RORA: variants seen among roughly 807,000 people sequenced by gnomAD.
RORA encodes the protein nuclear receptor ROR-alpha.
RORA carries 7 observed loss-of-function variants against 69.5 expected under a neutral mutation model. The observed-to-expected ratio is 0.10, with a 90% confidence interval of 0.06 to 0.19. The LOEUF (loss-of-function observed/expected upper bound fraction) is 0.19, where lower values mean the gene tolerates loss of function less well. Among genes scored for constraint, RORA ranks in the 10% least tolerant of loss-of-function variants. The probability of loss-of-function intolerance (pLI) is 1.00; values close to 1 mark genes in which losing one functional copy is unlikely to be tolerated. For missense variants in RORA, 457 were observed against 663.0 expected (o/e 0.69, Z 3.41); for synonymous variants, 261 against 240.8 (o/e 1.08, Z -0.78).
intron 1 of RORA, among the ~76,000 whole-genome samples, chr15:60,736,185 C>CT (rs2071496188): frequency 6.6e-6 from 1 of 152,110 alleles, no homozygotes; most frequent in Non-Finnish European, 1.5e-5. Flanking sequence ...CAGTCTTCTC[C>CT]TTTTTTTCCC....
At position 61,061,128 on chromosome 15, in the gene RORA, C is replaced by T. The variant is rs370457671; in HGVS notation, c.166+167925G>A. 4.6e-5 allele frequency among the ~76,000 whole-genome samples: 7 copies of T among 151,898 alleles called. No individual in the cohort carries two copies. Among genetic ancestry groups the T allele is most frequent in the Non-Finnish European group, 8.8e-5 (6 of 67,974 alleles). On this transcript the variant is annotated intron_variant, in intron 1 of 10. Coordinates refer to ENST00000335670, the MANE Select transcript of RORA (RefSeq NM_134261.3). The surrounding 1 kb of genome is among the most constrained non-coding windows in gnomAD (Gnocchi z 4.4). Reference sequence around the variant, plus strand: ...CAGCACTTTGGGAGGCCGAGGCGGGCGGATCACAAGATCAGGAGATCGAGA... The same window carrying T: ...CAGCACTTTGGGAGGCCGAGGCGGGTGGATCACAAGATCAGGAGATCGAGA...
chr15:60,924,097 T>C (rs1232937278), intron 1 of RORA, among the ~76,000 whole-genome samples: 1 of 152,160 alleles, frequency 6.6e-6, no homozygotes, highest in Non-Finnish European at 1.5e-5. Flanking sequence ...CTCTCCTCTC[T>C]CCTGCCCTCT....
chr15:60,799,975 C>A (rs113930043), intron 1 of RORA, among the ~76,000 whole-genome samples: 1 of 152,194 alleles, frequency 6.6e-6, no homozygotes, highest in African/African-American at 2.4e-5. Flanking sequence ...GGCTCTGTTT[C>A]CTATAGAGGG....
intron 1 of RORA, among the ~76,000 whole-genome samples, chr15:61,070,512 T>C (rs1481889886): frequency 6.6e-6 from 1 of 152,246 alleles, no homozygotes; most frequent in East Asian, 1.9e-4. Flanking sequence ...GCAGAAGTTG[T>C]AGGCATCTGA....
intron 1 of RORA, among the ~76,000 whole-genome samples, chr15:60,687,126 T>C (rs1407982853): frequency 6.6e-6 from 1 of 152,130 alleles, no homozygotes; most frequent in Non-Finnish European, 1.5e-5. Context: ...AGAGAGGGAA[T>C]CTGCCAAAGT....
intron 1 of RORA, among the ~76,000 whole-genome samples, chr15:60,823,037 C>G (rs961672183): frequency 1.3e-5 from 2 of 148,862 alleles, no homozygotes; most frequent in Admixed American, 6.7e-5. Flanking sequence ...TCCTTCCTTC[C>G]CTCTCTTTCT....
intron 1 of RORA, among the ~76,000 whole-genome samples, chr15:60,992,698 G>A (rs1369925383): frequency 1.3e-5 from 2 of 152,096 alleles, no homozygotes; most frequent in African/African-American, 2.4e-5. Context: ...TTTTCAGAGA[G>A]CCATTCACAC....
intron 1 of RORA, among the ~76,000 whole-genome samples, chr15:60,974,779 G>A (rs762695326): frequency 4.6e-5 from 7 of 152,128 alleles, no homozygotes; most frequent in African/African-American, 9.7e-5. Context: ...CCACCCCAGC[G>A]TGGGGCAAGG....
chr15:60,891,136 C>G (rs1366933083), intron 1 of RORA, among the ~76,000 whole-genome samples: 5 of 152,170 alleles, frequency 3.3e-5, no homozygotes, highest in African/African-American at 9.7e-5. Context: ...TCAAAAGGAC[C>G]CTCTACCATG....
intron 1 of RORA, among the ~76,000 whole-genome samples, chr15:61,113,510 T>C (rs1177379001): frequency 1.3e-5 from 2 of 152,162 alleles, no homozygotes; most frequent in Non-Finnish European, 2.9e-5. Context: ...CCTGTGGCCC[T>C]AGGTCAGGTT....
At chr15:61,109,223 A>G (rs531119995) in intron 1 of RORA, among the ~76,000 whole-genome samples, 9 of 152,260 alleles carry the variant, frequency 5.9e-5, no homozygotes, top group South Asian at 2.1e-4. Context: ...AACCAGTACC[A>G]TAAGCACTGT....
chr15:61,058,301 G>C (rs1430958845), intron 1 of RORA, among the ~76,000 whole-genome samples: 1 of 152,190 alleles, frequency 6.6e-6, no homozygotes, highest in Non-Finnish European at 1.5e-5. Flanking sequence ...TCTTCCATGG[G>C]GAGCTTCTGA....
At chr15:60,894,958 A>G (rs1433037262) in intron 1 of RORA, among the ~76,000 whole-genome samples, 1 of 152,238 alleles carries the variant, frequency 6.6e-6, no homozygotes, top group African/African-American at 2.4e-5. Flanking sequence ...CAGGGAGGTA[A>G]GCAGTGTCCT....
chr15:60,756,974 T>C (rs2071810688), intron 1 of RORA, among the ~76,000 whole-genome samples: 3 of 152,208 alleles, frequency 2.0e-5, no homozygotes, highest in Admixed American at 2.0e-4. Context: ...TAGTAAATAC[T>C]ATATTCAATT....
chr15:60,524,678 TA>T (rs778078877), intron 3 of RORA, among the ~76,000 whole-genome samples: 7 of 152,178 alleles, frequency 4.6e-5, no homozygotes, highest in Admixed American at 6.5e-5. Flanking sequence ...TTGTTTCCAG[TA>T]GCTAACCCAA....
At chr15:61,033,766 A>T (rs1218870948) in intron 1 of RORA, among the ~76,000 whole-genome samples, 1 of 152,140 alleles carries the variant, frequency 6.6e-6, no homozygotes, top group Admixed American at 6.5e-5. Context: ...GAAAACAGGG[A>T]TGTAAAATAT....
intron 1 of RORA, among the ~76,000 whole-genome samples, chr15:60,946,251 T>A (rs1892868452): frequency 6.6e-6 from 1 of 151,796 alleles, no homozygotes; most frequent in Non-Finnish European, 1.5e-5. Context: ...TCCCTCTCCC[T>A]CTCTCTCCCT....
chr15:60,720,590 G>A (rs1312842840), intron 1 of RORA, among the ~76,000 whole-genome samples: 2 of 152,158 alleles, frequency 1.3e-5, no homozygotes, highest in East Asian at 3.9e-4. Context: ...GGGTGCTGAT[G>A]GTTCCCCAGG....
chr15:60,720,408 A>G (rs1382049751), intron 1 of RORA, among the ~76,000 whole-genome samples: 1 of 152,226 alleles, frequency 6.6e-6, no homozygotes, highest in African/African-American at 2.4e-5. Context: ...TAAGTTAACC[A>G]TTGAAAAACC....
Sources: gnomAD v4.1 joint callset for allele counts (sites outside exome capture counted in the v4.1 genomes callset) on GRCh38, gnomAD v4.1.1 for gene constraint, Gnocchi (gnomAD v3.1) non-coding constraint, MANE v1.5 for transcripts, NCBI Gene and HGNC (gene_info 2026-07-23, HGNC 2026-07-21) for gene names.